MVB12B: variants seen among roughly 807,000 people sequenced by gnomAD.
MVB12B encodes ESCRT-I complex subunit MVB12B.
MVB12B carries 16 observed loss-of-function variants against 41.6 expected under a neutral mutation model. That is an observed-to-expected ratio of 0.38 (90% CI 0.26 to 0.58). MVB12B has a LOEUF of 0.58. Ranked by LOEUF, MVB12B falls within the 20% of genes least tolerant of loss-of-function variation. The pLI is 0.62. For synonymous variants in MVB12B, 133 were observed against 139.7 expected (o/e 0.95, Z 0.34); for missense variants, 274 against 380.2 (o/e 0.72, Z 2.32).
rs1312032754 is a variant in MVB12B at position 126,505,780 on chromosome 9, T to TGA, written c.*2521_*2522dup. Reference sequence around the variant, plus strand: ...GAAACTCTGGCTCAAACCTAGGAATTGAGAGCGTTTCTGTCTTTTGGGAGA... The same window carrying TGA: ...GAAACTCTGGCTCAAACCTAGGAATTGAGAGAGCGTTTCTGTCTTTTGGGAGA... On this transcript the variant is annotated 3_prime_UTR_variant, in exon 10 of 10. Coordinates refer to ENST00000361171, the MANE Select transcript of MVB12B (RefSeq NM_033446.3). 6.6e-6 allele frequency: 1 copy of TGA among 152,068 alleles called. No individual in the cohort carries two copies. Among genetic ancestry groups the TGA allele is most frequent in the Non-Finnish European group, 1.5e-5 (1 of 68,012 alleles). The allele number at this position is 152,068 out of a possible 1,614,324, so 9.4% of individuals were successfully genotyped here. A position where few individuals can be genotyped will look rare whatever the true frequency, so the allele number is the denominator to read the frequency against.
At chr9:126,433,004 C>G (rs1018533094) in intron 7 of MVB12B, among the ~76,000 whole-genome samples, 1 of 151,974 alleles carries the variant, frequency 6.6e-6, no homozygotes, top group Non-Finnish European at 1.5e-5. Context: ...AATGCTGGAT[C>G]CAAAGGAAAA....
intron 2 of MVB12B, among the ~76,000 whole-genome samples, chr9:126,359,882 T>C (rs1564288953): frequency 1.3e-5 from 2 of 152,164 alleles, no homozygotes; most frequent in Admixed American, 6.5e-5. Flanking sequence ...TTAATCAATC[T>C]TCTCAAAGAA....
chr9:126,378,335 G>A (rs1410341840), intron 2 of MVB12B, among the ~76,000 whole-genome samples: 1 of 152,182 alleles, frequency 6.6e-6, no homozygotes, highest in Non-Finnish European at 1.5e-5. Flanking sequence ...GGGATGGGAA[G>A]AATTTAGGTT....
chr9:126,380,684 G>A lies in MVB12B; in HGVS notation c.205-380G>A, dbSNP rs116907896. ...CTCGCCGCAGGCAGCGCCCCCTCAG[G>A]TGGCTCATCACACCCAGTGGACTCC... is the stretch of plus-strand genomic sequence containing the variant. On this transcript the variant is annotated intron_variant, in intron 2 of 9. Transcript: ENST00000361171. 5.6e-3 allele frequency among the ~76,000 whole-genome samples: 859 copies of A among 152,272 alleles called. 7 individuals are homozygous for A. The highest frequency in any genetic ancestry group is 9.3e-3 in the Non-Finnish European group (630 of 68,012).
intron 2 of MVB12B, among the ~76,000 whole-genome samples, chr9:126,361,505 A>G (rs924758143): frequency 2.6e-5 from 4 of 152,110 alleles, no homozygotes; most frequent in Admixed American, 6.5e-5. Flanking sequence ...CTATGGTACT[A>G]TTTCTAGTGC....
intron 7 of MVB12B, among the ~76,000 whole-genome samples, chr9:126,477,198 T>C (rs2417021): frequency 0.88 from 134,293 of 152,106 alleles, 59,464 homozygotes; most frequent in East Asian, 1. Context: ...GGAGGTGCCA[T>C]GCACTTAACC....
chr9:126,386,352 T>G lies in MVB12B; in HGVS notation c.313-210T>G, dbSNP rs1830792421. Among the ~76,000 whole-genome samples the G allele has an allele frequency of 6.6e-6, 1 of 152,152 alleles. No individual in the cohort carries two copies. Among genetic ancestry groups the G allele is most frequent in the Admixed American group, 6.5e-5 (1 of 15,276 alleles). On this transcript the variant is annotated intron_variant, in intron 3 of 9. Transcript: ENST00000361171. This position sits in a 1 kb window ranked among gnomAD's most constrained non-coding sequence, Gnocchi z 4.3. ...AAGGCCGTGTCTGAGTTGAGTGGCT[T>G]TGAGGTTCCGCAGATGAAACTCCTT... is the stretch of plus-strand genomic sequence containing the variant.
At chr9:126,482,530 C>T (rs1490549786) in intron 8 of MVB12B, among the ~76,000 whole-genome samples, 1 of 152,242 alleles carries the variant, frequency 6.6e-6, no homozygotes, top group African/African-American at 2.4e-5. Context: ...GCGACGCTGG[C>T]GCCTCTGCCG....
At chr9:126,401,343 T>C (rs753165896) in intron 6 of MVB12B, among the ~76,000 whole-genome samples, 1 of 152,210 alleles carries the variant, frequency 6.6e-6, no homozygotes, top group Non-Finnish European at 1.5e-5. Context: ...ATTTGTCAGC[T>C]CCCAGCAAGT....
chr9:126,411,097 C>G (rs942709847), intron 6 of MVB12B, among the ~76,000 whole-genome samples: 1 of 152,100 alleles, frequency 6.6e-6, no homozygotes, highest in African/African-American at 2.4e-5. Flanking sequence ...CCATGTTGTT[C>G]AGGCTGGTCT....
chr9:126,437,564 C>T (rs1462604198), intron 7 of MVB12B, among the ~76,000 whole-genome samples: 1 of 152,154 alleles, frequency 6.6e-6, no homozygotes, highest in African/African-American at 2.4e-5. Flanking sequence ...ATAAAGGCAG[C>T]AATAAGGGAC....
chr9:126,408,578 T>G (rs563320324), intron 6 of MVB12B, among the ~76,000 whole-genome samples: 6 of 151,992 alleles, frequency 3.9e-5, no homozygotes, highest in African/African-American at 1.4e-4. Flanking sequence ...TCACAGGCTT[T>G]TAAGGAGAGA....
At chr9:126,343,466 G>A (rs545714) in intron 2 of MVB12B, among the ~76,000 whole-genome samples, 151,688 of 152,364 alleles carry the variant, frequency 1, 75,514 homozygotes, top group Middle Eastern at 1. Context: ...TCCGGCTACA[G>A]TGCCTGTGTG....
Position 126,478,041 on chromosome 9 carries a change from G to A in MVB12B, c.758-3328G>A, listed in dbSNP as rs1235048176. Among the ~76,000 whole-genome samples, 1 of 152,244 alleles carries A rather than the reference G, an allele frequency of 6.6e-6. No individual in the cohort carries two copies. Among genetic ancestry groups the A allele is most frequent in the Non-Finnish European group, 1.5e-5 (1 of 68,046 alleles). On this transcript the variant is annotated intron_variant, in intron 7 of 9. Coordinates refer to ENST00000361171, the MANE Select transcript of MVB12B (RefSeq NM_033446.3). This position sits in a 1 kb window ranked among gnomAD's most constrained non-coding sequence, Gnocchi z 4.2. ...AGCAGGGAGAAACTGCTTCATGGGT[G>A]AGGGGTTTGGCTTTGGAGCGATGGA...
At chr9:126,409,521 G>GCACC (rs1831562004) in intron 6 of MVB12B, among the ~76,000 whole-genome samples, 1 of 152,196 alleles carries the variant, frequency 6.6e-6, no homozygotes, top group Non-Finnish European at 1.5e-5. Flanking sequence ...TGCCCAGTGA[G>GCACC]CACCCATGCA....
At chr9:126,482,178 A>G (rs559514867) in intron 8 of MVB12B, among the ~76,000 whole-genome samples, 1 of 123,708 alleles carries the variant, frequency 8.1e-6, no homozygotes, top group South Asian at 2.5e-4. Flanking sequence ...GCCAGCCCCC[A>G]AGGTGGCAGT....
At chr9:126,440,554 A>G (rs573720094) in intron 7 of MVB12B, among the ~76,000 whole-genome samples, 5 of 150,494 alleles carry the variant, frequency 3.3e-5, no homozygotes, top group East Asian at 3.9e-4. Context: ...CATCAGAAAG[A>G]AAAAAAAAGC....
At chr9:126,479,902 A>T (rs1833491869) in intron 7 of MVB12B, among the ~76,000 whole-genome samples, 1 of 152,114 alleles carries the variant, frequency 6.6e-6, no homozygotes, top group African/African-American at 2.4e-5. Flanking sequence ...TTTCTTGCTG[A>T]TTGGGAGGAT....
intron 2 of MVB12B, among the ~76,000 whole-genome samples, chr9:126,369,077 T>C (rs1231357356): frequency 6.6e-6 from 1 of 152,252 alleles, no homozygotes; most frequent in African/African-American, 2.4e-5. Context: ...TTCTTTTACC[T>C]TCAGTTTTTC....
Sources: allele counts gnomAD v4.1 joint callset (sites outside exome capture counted in the v4.1 genomes callset), GRCh38; gene constraint gnomAD v4.1.1; non-coding constraint Gnocchi (gnomAD v3.1); transcripts MANE v1.5; gene names NCBI Gene and HGNC (gene_info 2026-07-23, HGNC 2026-07-21).